CSPP1: variants seen among roughly 807,000 people sequenced by gnomAD.
CSPP1 encodes the protein centrosome and spindle pole-associated protein 1.
CSPP1 carries 126 observed loss-of-function variants against 164.4 expected under a neutral mutation model. The ratio of observed to expected loss-of-function variants is 0.77; its 90% CI spans 0.66 to 0.89. The LOEUF is 0.89. Among genes scored for constraint, CSPP1 ranks in the 40% least tolerant of loss-of-function variants. CSPP1 has a pLI of 0.00. For synonymous variants in CSPP1, 472 were observed against 476.7 expected (o/e 0.99, Z 0.13); for missense variants, 1,395 against 1,449.8 (o/e 0.96, Z 0.61).
At chr8:67,105,250 T>C (rs1815242556) in intron 8 of CSPP1, among the ~76,000 whole-genome samples, 1 of 151,888 alleles carries the variant, frequency 6.6e-6, no homozygotes, top group Non-Finnish European at 1.5e-5. Context: ...GGTCTCAAGC[T>C]CCAGACCTCA....
At chr8:67,100,291 A>T (rs1364261351) in intron 7 of CSPP1, among the ~76,000 whole-genome samples, 1 of 152,154 alleles carries the variant, frequency 6.6e-6, no homozygotes, top group African/African-American at 2.4e-5. Flanking sequence ...TTAATTTAGG[A>T]TGAACTTTGA....
intron 17 of CSPP1, among the ~76,000 whole-genome samples, chr8:67,145,055 CAAAA>C (rs1184105758): frequency 1.6e-5 from 1 of 62,412 alleles, no homozygotes; most frequent in Non-Finnish European, 3.6e-5. Context: ...GACTCCATCT[CAAAA>C]AAAAAAAAAA....
chr8:67,174,482 G>T (rs553057721), intron 25 of CSPP1: 2 of 152,138 alleles, frequency 1.3e-5, no homozygotes, highest in Non-Finnish European at 2.9e-5. Context: ...TTTATTCTTG[G>T]CCAGGCACAG....
chr8:67,118,891 C>T (rs1229110693), intron 15 of CSPP1, 70 bp downstream of exon 15: 2 of 1,006,888 alleles, frequency 2.0e-6, no homozygotes, highest in Non-Finnish European at 1.6e-6. Context: ...AACCTAAAAG[C>T]CACCATCCTA....
intron 1 of CSPP1, among the ~76,000 whole-genome samples, chr8:67,070,735 A>T (rs1585801422): frequency 6.7e-6 from 1 of 149,422 alleles, no homozygotes; most frequent in South Asian, 2.1e-4. Flanking sequence ...ATATATATAT[A>T]TATATATTTC....
chr8:67,180,164 C>T (rs1364324711), intron 28 of CSPP1, among the ~76,000 whole-genome samples: 2 of 152,144 alleles, frequency 1.3e-5, no homozygotes, highest in Non-Finnish European at 2.9e-5. Context: ...GTAACAGCCT[C>T]ATTTCTAATG....
In CSPP1 at chr8:67,159,848, TTCTTTTTCTTTCTTTCTTTCTTTC is replaced by T. The variant is rs1187699892; in HGVS notation, c.2538+713_2538+736del. ...TCTCTCTCTTTCTTTCTTTCTTTCT[TTCTTTTTCTTTCTTTCTTTCTTTC>T]TTTCTTTCTTTCTTTCTTTCTTTCT... On this transcript the variant is annotated intron_variant, in intron 21 of 30. Coordinates refer to ENST00000678616, the MANE Select transcript of CSPP1 (RefSeq NM_001382391.1). 6.3e-4 allele frequency among the ~76,000 whole-genome samples: 74 copies of T among 117,302 alleles called. 1 individual carries two copies. Among genetic ancestry groups the T allele is most frequent in the Middle Eastern group, 3.8e-3 (1 of 262 alleles). The allele number at this position is 117,302 out of a possible 152,430, so 77.0% of individuals were successfully genotyped here.
chr8:67,067,574 C>T (rs1005638165), intron 1 of CSPP1, among the ~76,000 whole-genome samples: 1 of 152,206 alleles, frequency 6.6e-6, no homozygotes, highest in Non-Finnish European at 1.5e-5. Context: ...CTCCATTCTC[C>T]TGCCTCAGCC....
At chr8:67,074,786 C>CTTTT in intron 2 of CSPP1, 1 of 271,044 alleles carries the variant, frequency 3.7e-6, no homozygotes, top group South Asian at 3.2e-5. Flanking sequence ...AAAATAATTG[C>CTTTT]TTTTTTTTTT....
At chr8:67,143,323 C>T (rs185953282) in intron 17 of CSPP1, among the ~76,000 whole-genome samples, 148 of 151,700 alleles carry the variant, frequency 9.8e-4, no homozygotes, top group Non-Finnish European at 1.6e-4. Flanking sequence ...TCTTTTTTTT[C>T]AAGATCTTTT....
intron 17 of CSPP1, among the ~76,000 whole-genome samples, chr8:67,145,782 G>A (rs1357091091): frequency 2.6e-5 from 4 of 151,750 alleles, no homozygotes; most frequent in African/African-American, 9.7e-5. Context: ...CTCAGCCTCC[G>A]AAAGTGCTGG....
At chr8:67,178,877 G>A (rs1174192946) in intron 27 of CSPP1, among the ~76,000 whole-genome samples, 2 of 152,192 alleles carry the variant, frequency 1.3e-5, no homozygotes, top group African/African-American at 4.8e-5. Flanking sequence ...ATGGGAAGCT[G>A]CCAAGGTCTT....
At chr8:67,191,805 A>G (rs766900490) in intron 29 of CSPP1, among the ~76,000 whole-genome samples, 1 of 152,176 alleles carries the variant, frequency 6.6e-6, no homozygotes, top group Non-Finnish European at 1.5e-5. Context: ...GACACTTTGT[A>G]TTTAGCATTT....
At chr8:67,179,498 A>C (rs944532470) in intron 27 of CSPP1, among the ~76,000 whole-genome samples, 1 of 152,134 alleles carries the variant, frequency 6.6e-6, no homozygotes, top group Non-Finnish European at 1.5e-5. Context: ...TTAAAGACTT[A>C]ATGTTTAATT....
chr8:67,141,751 G>T (rs926457075), intron 17 of CSPP1, among the ~76,000 whole-genome samples: 1 of 152,174 alleles, frequency 6.6e-6, no homozygotes, highest in African/African-American at 2.4e-5. Flanking sequence ...CTGACCTGAG[G>T]TGATCCATCC....
At chr8:67,112,192 T>C in intron 10 of CSPP1, 127 bp downstream of exon 10, 1 of 531,016 alleles carries the variant, frequency 1.9e-6, no homozygotes, top group South Asian at 2.7e-5. Flanking sequence ...TATATTTTCA[T>C]CTCTACATGC....
At chr8:67,088,094 A>G (rs1188768145) in intron 4 of CSPP1, among the ~76,000 whole-genome samples, 2 of 151,566 alleles carry the variant, frequency 1.3e-5, no homozygotes, top group Non-Finnish European at 2.9e-5. Flanking sequence ...CCCCTTCCCT[A>G]CTTTTTCTTA....
At chr8:67,129,866 A>T (rs1429927672) in intron 15 of CSPP1, among the ~76,000 whole-genome samples, 1 of 152,236 alleles carries the variant, frequency 6.6e-6, no homozygotes, top group African/African-American at 2.4e-5. Context: ...GATTGATTGC[A>T]TATGGCTATG....
Position 67,148,840 on chromosome 8 carries a change from T to C in CSPP1, c.1976-943T>C, listed in dbSNP as rs1468845242. 2.0e-5 allele frequency among the ~76,000 whole-genome samples: 3 copies of C among 152,362 alleles called. No homozygotes were observed. In the South Asian group the frequency reaches 6.2e-4, roughly 32 times the overall value. ...AGTTCTGTTTTTGAGATTGGTTGTT[T>C]GACCCAATTCTAGGTGCTCAGATTT... On this transcript the variant is annotated intron_variant, in intron 17 of 30. Transcript: ENST00000678616.
Sources: allele counts gnomAD v4.1 joint callset (sites outside exome capture counted in the v4.1 genomes callset), GRCh38; gene constraint gnomAD v4.1.1; transcripts MANE v1.5; gene names NCBI Gene and HGNC (gene_info 2026-07-23, HGNC 2026-07-21).